The following KSR2 variants were observed in gnomAD, a reference collection of about 807,000 sequenced individuals.
KSR2 encodes the protein kinase suppressor of ras 2.
A neutral mutation model predicts 107.8 loss-of-function variants in KSR2; 25 were observed. The ratio of observed to expected loss-of-function variants is 0.23; its 90% CI spans 0.17 to 0.32. The LOEUF (loss-of-function observed/expected upper bound fraction) is 0.32, where lower values mean the gene tolerates loss of function less well. Ranked by LOEUF, KSR2 falls within the 10% of genes least tolerant of loss-of-function variation. The probability of loss-of-function intolerance (pLI) is 1.00; values close to 1 mark genes in which losing one functional copy is unlikely to be tolerated. For missense variants in KSR2, 887 were observed against 1,268.9 expected, an observed-to-expected ratio of 0.70 and a Z score of 4.57; for synonymous variants, 480 against 507.0, an observed-to-expected ratio of 0.95 and a Z score of 0.71.
At chr12:117,739,733 G>T (rs1888099648) in intron 4 of KSR2, among the ~76,000 whole-genome samples, 1 of 152,138 alleles carries the variant, frequency 6.6e-6, no homozygotes, top group African/African-American at 2.4e-5. Flanking sequence ...AGAAAGACTA[G>T]AAACAACTGG....
At chr12:117,588,054 C>T (rs1458077625) in intron 5 of KSR2, among the ~76,000 whole-genome samples, 2 of 152,156 alleles carry the variant, frequency 1.3e-5, no homozygotes, top group African/African-American at 2.4e-5. Context: ...CCTTTCCCAC[C>T]GGAGCTATCA....
chr12:117,666,672 AACGTGC>A (rs1363357105), intron 5 of KSR2, among the ~76,000 whole-genome samples: 1 of 152,180 alleles, frequency 6.6e-6, no homozygotes, highest in Non-Finnish European at 1.5e-5. Context: ...GCAGCAACAC[AACGTGC>A]ACAGCCTGTG....
chr12:117,486,820 CTAA>C (rs1226127186), intron 14 of KSR2, among the ~76,000 whole-genome samples: 7 of 152,124 alleles, frequency 4.6e-5, no homozygotes, highest in African/African-American at 1.7e-4. Flanking sequence ...TCAAAGGAAA[CTAA>C]TAATACTTAA....
At chr12:117,756,235 G>T (rs1888784530) in intron 4 of KSR2, among the ~76,000 whole-genome samples, 1 of 152,212 alleles carries the variant, frequency 6.6e-6, no homozygotes, top group Non-Finnish European at 1.5e-5. Flanking sequence ...ATTCAACGAT[G>T]CCATCTAGGA....
Position 117,582,485 on chromosome 12 carries a change from A to G in KSR2, c.1172-126T>C, listed in dbSNP as rs964098381. 13 of 707,878 alleles carry G rather than the reference A, an allele frequency of 1.8e-5. No individual in the cohort carries two copies. In the African/African-American group the frequency reaches 2.1e-4, roughly 11 times the overall value. 43.8% of individuals were successfully genotyped at this position (707,878 alleles called of 1,614,324 possible). On this transcript the variant is annotated intron_variant, in intron 5 of 19. Coordinates refer to ENST00000339824, the MANE Select transcript of KSR2 (RefSeq NM_173598.6). Reference sequence around the variant, plus strand: ...GGATACCAGTTGCCATCACTTGCTAAACCAAAGCCAAGTGGAACACTGGTT... The same window carrying G: ...GGATACCAGTTGCCATCACTTGCTAGACCAAAGCCAAGTGGAACACTGGTT...
At chr12:117,526,458 CCT>C (rs1875174210) in intron 13 of KSR2, among the ~76,000 whole-genome samples, 1 of 152,168 alleles carries the variant, frequency 6.6e-6, no homozygotes, top group African/African-American at 2.4e-5. Flanking sequence ...GCAAGCTGCC[CCT>C]GATGGCACAT....
At chr12:117,835,222 T>C (rs1232090504) in intron 3 of KSR2, among the ~76,000 whole-genome samples, 2 of 152,166 alleles carry the variant, frequency 1.3e-5, no homozygotes, top group Non-Finnish European at 2.9e-5. Flanking sequence ...GTTGCCCCCT[T>C]TCATGGGTGA....
chr12:117,568,545 G>A (rs551750278), intron 7 of KSR2, among the ~76,000 whole-genome samples: 13 of 152,284 alleles, frequency 8.5e-5, no homozygotes, highest in South Asian at 4.2e-4. Context: ...TCCACACACC[G>A]TGACACTTCG....
At position 117,875,346 on chromosome 12, in the gene KSR2, T is replaced by G. The variant is rs971101736; in HGVS notation, c.181-14915A>C. Among the ~76,000 whole-genome samples the G allele has an allele frequency of 5.3e-5, 8 of 151,652 alleles. No individual in the cohort carries two copies. In the East Asian group the frequency reaches 1.6e-3, roughly 29 times the overall value. On this transcript the variant is annotated intron_variant, in intron 1 of 19. Transcript: ENST00000339824. ...CCCTTAGGTGCTATTTTTTTTTTTTTTTTTTAAGAACGAAAGCGGAGTCCG... is the reference window on the plus strand; with the variant it reads ...CCCTTAGGTGCTATTTTTTTTTTTTGTTTTTAAGAACGAAAGCGGAGTCCG...
At chr12:117,734,305 G>GAA (rs1384249565) in intron 4 of KSR2, among the ~76,000 whole-genome samples, 5 of 145,966 alleles carry the variant, frequency 3.4e-5, no homozygotes, top group Non-Finnish European at 4.5e-5. Context: ...AAAAAAGAGA[G>GAA]AAACTACACG....
chr12:117,916,719 A>C (rs1207431102), intron 1 of KSR2, among the ~76,000 whole-genome samples: 1 of 152,180 alleles, frequency 6.6e-6, no homozygotes, highest in Non-Finnish European at 1.5e-5. Context: ...CAGGATAACT[A>C]AGCCACGAAA....
At position 117,629,687 on chromosome 12, in the gene KSR2, CAA is replaced by C. The variant is rs1244349997; in HGVS notation, c.1171+37785_1171+37786del. Among the ~76,000 whole-genome samples the C allele has an allele frequency of 2.6e-5, 4 of 152,196 alleles. No homozygotes were observed. The South Asian group carries it at 8.3e-4, about 32-fold the overall frequency. ...GAAATAAATTACTCCTATATGTCCTCAATAGGACACTAGTTACTATAGCAATC... is the reference window on the plus strand; with the variant it reads ...GAAATAAATTACTCCTATATGTCCTCTAGGACACTAGTTACTATAGCAATC... On this transcript the variant is annotated intron_variant, in intron 5 of 19. Coordinates refer to ENST00000339824, the MANE Select transcript of KSR2 (RefSeq NM_173598.6).
intron 5 of KSR2, among the ~76,000 whole-genome samples, chr12:117,605,691 C>T (rs1452450811): frequency 6.6e-6 from 1 of 152,136 alleles, no homozygotes; most frequent in Admixed American, 6.5e-5. Context: ...CATTGCAGCA[C>T]TATTCACAAT....
chr12:117,638,943 C>T (rs2136396777), intron 5 of KSR2, among the ~76,000 whole-genome samples: 1 of 152,024 alleles, frequency 6.6e-6, no homozygotes, highest in African/African-American at 2.4e-5. Flanking sequence ...ACTCCATGAC[C>T]AACAAAGTAC....
At chr12:117,841,013 A>AC (rs1272619845) in intron 3 of KSR2, among the ~76,000 whole-genome samples, 1 of 151,678 alleles carries the variant, frequency 6.6e-6, no homozygotes, top group East Asian at 1.9e-4. Context: ...AAAAAAAAAA[A>AC]ATTGCTAAGT....
chr12:117,608,904 G>C (rs187032466), intron 5 of KSR2, among the ~76,000 whole-genome samples: 1 of 152,024 alleles, frequency 6.6e-6, no homozygotes, highest in Admixed American at 6.5e-5. Context: ...GTACACAGTT[G>C]GGGGGTAATA....
At position 117,728,601 on chromosome 12, in the gene KSR2, C is replaced by T. The variant is rs374470254; in HGVS notation, c.986+32410G>A. On this transcript the variant is annotated intron_variant, in intron 4 of 19. Transcript: ENST00000339824. Reference sequence around the variant, plus strand: ...ATGGACAACTGAGAAAAACTCAGAACTCTGTGTCTGGTGAGCAACCTGTGT... The same window carrying T: ...ATGGACAACTGAGAAAAACTCAGAATTCTGTGTCTGGTGAGCAACCTGTGT... Among the ~76,000 whole-genome samples, 13 of 152,328 alleles carry T rather than the reference C, an allele frequency of 8.5e-5. No homozygotes were observed. The South Asian group carries it at 1.7e-3, about 19-fold the overall frequency.
At chr12:117,741,214 T>G (rs1888206326) in intron 4 of KSR2, among the ~76,000 whole-genome samples, 1 of 151,940 alleles carries the variant, frequency 6.6e-6, no homozygotes, top group Non-Finnish European at 1.5e-5. Context: ...AATCTATGAG[T>G]CTACACTGAT....
intron 3 of KSR2, among the ~76,000 whole-genome samples, chr12:117,770,976 C>CA (rs61641342): frequency 0.024 from 1,601 of 65,478 alleles, 56 homozygotes; most frequent in African/African-American, 0.04. Context: ...GACTCCGTCT[C>CA]AAAAAAAAAA....
Sources: allele counts gnomAD v4.1 joint callset (sites outside exome capture counted in the v4.1 genomes callset), GRCh38; gene constraint gnomAD v4.1.1; transcripts MANE v1.5; gene names NCBI Gene and HGNC (gene_info 2026-07-23, HGNC 2026-07-21).